The following SH3GL1 variants were observed in gnomAD, a reference collection of about 807,000 sequenced individuals.
SH3GL1 encodes SH3 domain containing GRB2 like 1, endophilin A2, also known as endophilin-A2.
A neutral mutation model predicts 48.8 loss-of-function variants in SH3GL1; 21 were observed. The ratio of observed to expected loss-of-function variants is 0.43; its 90% CI spans 0.30 to 0.62. The LOEUF is 0.62. SH3GL1 is among the 20% of genes least tolerant of loss of function. The pLI is 0.11. For synonymous variants in SH3GL1, 282 were observed against 217.5 expected (o/e 1.30, Z -2.61); for missense variants, 454 against 503.0 (o/e 0.90, Z 0.93).
chr19:4,381,924 A>G (rs552032647), intron 1 of SH3GL1, among the ~76,000 whole-genome samples: 1 of 151,944 alleles, frequency 6.6e-6, no homozygotes, highest in Admixed American at 6.6e-5. Context: ...CGATGACCAC[A>G]ACAAATCGCC....
chr19:4,361,336 G>C lies in SH3GL1; in HGVS notation c.*264C>G. On this transcript the variant is annotated 3_prime_UTR_variant, in exon 10 of 10. Transcript: ENST00000269886. ...CTGGGCGAGAAGTTGGGGAGCGGGG[G>C]AGGAGGCTGGCGCCATGGAGTGGGG... is the stretch of plus-strand genomic sequence containing the variant. 1.9e-6 allele frequency: 1 copy of C among 516,438 alleles called. No individual in the cohort carries two copies. The highest frequency in any genetic ancestry group is 3.5e-5 in the Admixed American group (1 of 28,836). 32.0% of individuals were successfully genotyped at this position (516,438 alleles called of 1,614,324 possible).
At chr19:4,390,861 C>G (rs527684619) in intron 1 of SH3GL1, among the ~76,000 whole-genome samples, 1 of 152,234 alleles carries the variant, frequency 6.6e-6, no homozygotes, top group Admixed American at 6.5e-5. Flanking sequence ...AGCTCTGCCC[C>G]GGGCAGCGCC....
chr19:4,363,121 A>G (rs1378346678), intron 7 of SH3GL1, among the ~76,000 whole-genome samples: 1 of 152,170 alleles, frequency 6.6e-6, no homozygotes, highest in Non-Finnish European at 1.5e-5. Context: ...CTGTGGCAGC[A>G]GCAACGTGCA....
At chr19:4,370,381 C>T (rs1295591429) in intron 1 of SH3GL1, among the ~76,000 whole-genome samples, 2 of 152,250 alleles carry the variant, frequency 1.3e-5, no homozygotes, top group Admixed American at 1.3e-4. Context: ...GGCTCGCCTC[C>T]TGTTCCCACC....
At chr19:4,391,484 T>C (rs1973336485) in intron 1 of SH3GL1, among the ~76,000 whole-genome samples, 2 of 152,184 alleles carry the variant, frequency 1.3e-5, no homozygotes, top group South Asian at 4.1e-4. Flanking sequence ...GACAAACTTT[T>C]AGCCGAACTT....
chr19:4,387,808 C>T (rs557415446), intron 1 of SH3GL1, among the ~76,000 whole-genome samples: 6 of 152,190 alleles, frequency 3.9e-5, no homozygotes, highest in Admixed American at 2.6e-4. Flanking sequence ...CTCAGCCTCC[C>T]GAGTAGCGGG....
chr19:4,366,927 T>A lies in SH3GL1; in HGVS notation c.113A>T (p.Lys38Met), dbSNP rs369623466. The A allele has an allele frequency of 6.2e-7, 1 of 1,613,690 alleles. No homozygotes were observed. The highest frequency in any genetic ancestry group is 8.5e-7 in the Non-Finnish European group (1 of 1,179,668). Residue 38 changes from lysine (K) to methionine (M), a missense_variant and splice_region_variant, in exon 2 of 10, where the codon AAG (lysine) becomes ATG (methionine). Transcript: ENST00000269886. ...KLDDDFKEME[K>M]KVDVTSKAVT... ...CAGAGCACGCAGTTTCTTCCTCACC[T>A]TCTCCATCTCTTTGAAGTCATCATC...
chr19:4,365,806 G>A (rs1208210755), intron 3 of SH3GL1, among the ~76,000 whole-genome samples, 181 bp from the exon 4 acceptor site: 1 of 152,226 alleles, frequency 6.6e-6, no homozygotes, highest in African/African-American at 2.4e-5. Flanking sequence ...CCTCAAAGGA[G>A]CTGGCAGCGG....
intron 5 of SH3GL1, 36 bp from the exon 6 acceptor site, chr19:4,363,914 G>A (rs761129184): frequency 3.0e-5 from 48 of 1,611,072 alleles, no homozygotes; most frequent in Middle Eastern, 2.2e-4. Flanking sequence ...CACCAGTAGC[G>A]GCCAGAGGGC....
intron 1 of SH3GL1, among the ~76,000 whole-genome samples, chr19:4,371,634 G>A (rs543197592): frequency 2.6e-5 from 4 of 152,334 alleles, no homozygotes; most frequent in Admixed American, 1.3e-4. Context: ...GCAGGGATGC[G>A]CCACATTTGC....
In SH3GL1 at chr19:4,365,576, G is replaced by T. The variant is rs760208147; in HGVS notation, c.237C>A (p.Gly79=). ...TMLNTVSKIR[G]QVKNPGYPQS... ...GCGGGTAGCCGGGGTTCTTCACCTG[G>T]CCCCGGATCTTGGACACCGTGTTGA... The change falls in exon 4 of 10, where the codon GGC becomes GGA. Residue 79 remains glycine (G), a synonymous_variant. Transcript: ENST00000269886. 39 of 1,614,008 alleles carry T rather than the reference G, an allele frequency of 2.4e-5. No individual in the cohort carries two copies. The highest frequency in any genetic ancestry group is 3.2e-5 in the Non-Finnish European group (38 of 1,180,036).
In SH3GL1 at chr19:4,371,862, C is replaced by T. The variant is rs536890673; in HGVS notation, c.46-4868G>A. ...CGTCCCTCCCTGCAGTCCTCCTCAG[C>T]GGAATCTGTGAGCGCACAGACCACA... On this transcript the variant is annotated intron_variant, in intron 1 of 9. Transcript: ENST00000269886. 6.2e-4 allele frequency among the ~76,000 whole-genome samples: 94 copies of T among 152,368 alleles called. 1 individual carries two copies. Among genetic ancestry groups the T allele is most frequent in the African/African-American group, 2.0e-3 (83 of 41,590 alleles).
chr19:4,364,882 GTGTGTGTGTGTGTGTGTA>G (rs1194225849), intron 4 of SH3GL1, among the ~76,000 whole-genome samples: 11 of 69,820 alleles, frequency 1.6e-4, no homozygotes, highest in East Asian at 5.7e-4. Context: ...GTGTGTGTGT[GTGTGTGTGTGTGTGTGTA>G]TATATATATA....
chr19:4,364,012 G>A (rs547045659), intron 5 of SH3GL1, 76 bp downstream of exon 5: 24 of 1,606,190 alleles, frequency 1.5e-5, no homozygotes, highest in East Asian at 2.2e-5. Context: ...GAGGCTGGAG[G>A]TGAGGGTGGC....
chr19:4,399,750 A>C (rs1387253817), intron 1 of SH3GL1, among the ~76,000 whole-genome samples: 8 of 152,188 alleles, frequency 5.3e-5, no homozygotes. Flanking sequence ...ATATGCTATC[A>C]CAGGGTACGT....
At chr19:4,388,469 T>TCCACAGGGAGAAGTGGGAGGAG (rs1973276125) in intron 1 of SH3GL1, among the ~76,000 whole-genome samples, 1 of 152,032 alleles carries the variant, frequency 6.6e-6, no homozygotes, top group African/African-American at 2.4e-5. Context: ...GAAGGGGCCA[T>TCCACAGGGAGAAGTGGGAGGAG]CCACAGGGAG....
At chr19:4,382,408 CT>C (rs1765925193) in intron 1 of SH3GL1, among the ~76,000 whole-genome samples, 1 of 151,962 alleles carries the variant, frequency 6.6e-6, no homozygotes, top group African/African-American at 2.4e-5. Context: ...CAGGCGCCCA[CT>C]ACCACGCCCG....
At position 4,389,381 on chromosome 19, in the gene SH3GL1, G is replaced by A. The variant is rs1038385632; in HGVS notation, c.45+10943C>T. Among the ~76,000 whole-genome samples the A allele has an allele frequency of 2.7e-5, 4 of 150,762 alleles. No homozygotes were observed. The highest frequency in any genetic ancestry group is 9.7e-5 in the African/African-American group (4 of 41,236). ...GATAAGGGGAGATAGAAACGCGTTC[G>A]TTATAGGGCAGACAGGAAGTGGAGA... On this transcript the variant is annotated intron_variant, in intron 1 of 9. Coordinates refer to ENST00000269886, the MANE Select transcript of SH3GL1 (RefSeq NM_003025.4). The surrounding 1 kb of genome is among the most constrained non-coding windows in gnomAD (Gnocchi z 4.5).
intron 1 of SH3GL1, among the ~76,000 whole-genome samples, chr19:4,378,451 A>G (rs1460891135): frequency 6.6e-6 from 1 of 152,174 alleles, no homozygotes; most frequent in African/African-American, 2.4e-5. Flanking sequence ...GCGGTGGCTC[A>G]CACCTGTAAT....
Sources: gnomAD v4.1 joint callset for allele counts (sites outside exome capture counted in the v4.1 genomes callset) on GRCh38, gnomAD v4.1.1 for gene constraint, Gnocchi (gnomAD v3.1) non-coding constraint, MANE v1.5 for transcripts, NCBI Gene and HGNC (gene_info 2026-07-23, HGNC 2026-07-21) for gene names.